The following JPH2 variants were observed in gnomAD, a reference collection of about 807,000 sequenced individuals.
JPH2 encodes the protein junctophilin-2.
A neutral mutation model predicts 55.9 loss-of-function variants in JPH2; 38 were observed. The ratio of observed to expected loss-of-function variants is 0.68; its 90% CI spans 0.52 to 0.89. JPH2 has a LOEUF of 0.89. JPH2 is among the 40% of genes least tolerant of loss of function. The pLI is 0.00. For synonymous variants in JPH2, 480 were observed against 472.4 expected (o/e 1.02, Z -0.21); for missense variants, 964 against 1,037.6 (o/e 0.93, Z 0.97).
chr20:44,160,091 G>T lies in JPH2; in HGVS notation c.696C>A (p.Arg232=), dbSNP rs1419966903. Residue 232 remains arginine (R), a synonymous_variant, in exon 2 of 6, where the codon CGC becomes CGA. Transcript: ENST00000372980. This position sits in a 1 kb window ranked among gnomAD's most constrained non-coding sequence, Gnocchi z 4.9. The part of the protein sequence containing the change: ...QRGALLGKLR[R]AESRTSVGSQ... ...TACCCACGGACGTGCGCGACTCTGCGCGCCGCAGCTTGCCCAGCAGCGCGC... is the reference window on the plus strand; with the variant it reads ...TACCCACGGACGTGCGCGACTCTGCTCGCCGCAGCTTGCCCAGCAGCGCGC... The T allele has an allele frequency of 6.5e-7, 1 of 1,531,418 alleles. No homozygotes were observed. Among genetic ancestry groups the T allele is most frequent in the Non-Finnish European group, 8.7e-7 (1 of 1,144,104 alleles). 94.9% of individuals were successfully genotyped at this position (1,531,418 alleles called of 1,614,324 possible).
At chr20:44,171,296 C>A (rs972269874) in intron 1 of JPH2, among the ~76,000 whole-genome samples, 1 of 152,302 alleles carries the variant, frequency 6.6e-6, no homozygotes, top group Non-Finnish European at 1.5e-5. Flanking sequence ...GCTGGTATAG[C>A]CCTTCAGCGT....
intron 1 of JPH2, chr20:44,177,661 T>C: frequency 3.3e-6 from 4 of 1,230,572 alleles, no homozygotes; most frequent in Non-Finnish European, 4.1e-6. Context: ...ATGCTGATTC[T>C]ACATTCGAAA....
intron 2 of JPH2, among the ~76,000 whole-genome samples, chr20:44,143,240 T>C (rs181892185): frequency 3.3e-5 from 5 of 152,230 alleles, no homozygotes; most frequent in Admixed American, 3.3e-4. Flanking sequence ...AGGAAGGGAC[T>C]TGGGGGCCAA....
Position 44,177,820 on chromosome 20 carries a change from T to G in JPH2, c.379+8507A>C, listed in dbSNP as rs192094794. On this transcript the variant is annotated intron_variant, in intron 1 of 5. Coordinates refer to ENST00000372980, the MANE Select transcript of JPH2 (RefSeq NM_020433.5). ...TCCCGAAGACAGTGACAGCTATGGTTCAGGCCATCCTGAATTAATTCACCC... is the reference window on the plus strand; with the variant it reads ...TCCCGAAGACAGTGACAGCTATGGTGCAGGCCATCCTGAATTAATTCACCC... 1,212 of 1,587,382 alleles carry G rather than the reference T, an allele frequency of 7.6e-4. 6 individuals are homozygous for G. In the African/African-American group the frequency reaches 0.015, roughly 19 times the overall value.
intron 1 of JPH2, chr20:44,177,187 G>C (rs1600476318): frequency 1.0e-6 from 1 of 985,422 alleles, no homozygotes; most frequent in Non-Finnish European, 1.2e-6. Flanking sequence ...AGCTCGGGAA[G>C]GGATAGGTGA....
intron 2 of JPH2, among the ~76,000 whole-genome samples, chr20:44,139,139 C>T (rs969363454): frequency 3.5e-4 from 54 of 152,176 alleles, no homozygotes; most frequent in African/African-American, 1.2e-3. Context: ...TGAATCTGGG[C>T]CGGCTTTTTT....
chr20:44,144,420 C>A (rs1391828553), intron 2 of JPH2, among the ~76,000 whole-genome samples: 8 of 152,146 alleles, frequency 5.3e-5, no homozygotes, highest in Admixed American at 5.2e-4. Flanking sequence ...ATTGTCCTCA[C>A]CATAACCTTG....
intron 2 of JPH2, among the ~76,000 whole-genome samples, chr20:44,151,015 G>A (rs2072526671): frequency 6.6e-6 from 1 of 152,098 alleles, no homozygotes; most frequent in Non-Finnish European, 1.5e-5. Flanking sequence ...GGGCAACAAA[G>A]CAAGACCCTA....
Position 44,114,413 on chromosome 20 carries a change from G to A in JPH2, c.*14+369C>T, listed in dbSNP as rs764515463. Reference sequence around the variant, plus strand: ...CTAAGTTCAGGGTTACTTTCATTATGTTCACCCCATTCTTGGAGCAGGAGT... The same window carrying A: ...CTAAGTTCAGGGTTACTTTCATTATATTCACCCCATTCTTGGAGCAGGAGT... On this transcript the variant is annotated intron_variant, in intron 5 of 5. Coordinates refer to ENST00000372980, the MANE Select transcript of JPH2 (RefSeq NM_020433.5). 2.0e-5 allele frequency among the ~76,000 whole-genome samples: 3 copies of A among 152,138 alleles called. 1 individual carries two copies. The highest frequency in any genetic ancestry group is 4.1e-4 in the South Asian group (2 of 4,826).
At chr20:44,161,934 C>A (rs1036668799) in intron 1 of JPH2, among the ~76,000 whole-genome samples, 1 of 152,124 alleles carries the variant, frequency 6.6e-6, no homozygotes, top group African/African-American at 2.4e-5. Context: ...TTTGTGTTCC[C>A]TCAGATGGTA....
At chr20:44,135,510 T>C (rs2072404508) in intron 2 of JPH2, among the ~76,000 whole-genome samples, 1 of 152,210 alleles carries the variant, frequency 6.6e-6, no homozygotes, top group Non-Finnish European at 1.5e-5. Flanking sequence ...CCAGGGTAGC[T>C]CACCCTGACT....
At chr20:44,186,238 CA>C in intron 1 of JPH2, 88 bp downstream of exon 1, 2 of 1,445,128 alleles carry the variant, frequency 1.4e-6, no homozygotes, top group Non-Finnish European at 1.9e-6. Context: ...GATTCTGTGC[CA>C]ATTGCCGGTC....
Position 44,187,165 on chromosome 20 carries a change from C to A in JPH2, c.-460G>T, listed in dbSNP as rs1439687423. ...CGCAGCCCGCTGGCCCCCTTCTCCA[C>A]CCCAGTGGGTGTGCGGGGCTGTCGG... On this transcript the variant is annotated 5_prime_UTR_variant, in exon 1 of 6. Transcript: ENST00000372980. 1.0e-5 allele frequency: 2 copies of A among 190,552 alleles called. No homozygotes were observed. The highest frequency in any genetic ancestry group is 5.4e-5 in the Admixed American group (1 of 18,526). 11.8% of individuals were successfully genotyped at this position (190,552 alleles called of 1,614,324 possible). A position where few individuals can be genotyped will look rare whatever the true frequency, so the allele number is the denominator to read the frequency against.
chr20:44,140,747 C>A (rs2072451031), intron 2 of JPH2, among the ~76,000 whole-genome samples: 1 of 152,128 alleles, frequency 6.6e-6, no homozygotes, highest in African/African-American at 2.4e-5. Context: ...CCTTCAATAA[C>A]ACCAAGAAGA....
intron 1 of JPH2, chr20:44,177,870 A>G (rs1245163332): frequency 6.2e-7 from 1 of 1,611,098 alleles, no homozygotes; most frequent in Non-Finnish European, 8.5e-7. Context: ...GAAATACGGG[A>G]ATATATATTT....
intron 2 of JPH2, among the ~76,000 whole-genome samples, chr20:44,144,026 C>T (rs1488095522): frequency 6.6e-6 from 1 of 152,200 alleles, no homozygotes; most frequent in African/African-American, 2.4e-5. Flanking sequence ...TCACGCCTGG[C>T]TTCGGGAACC....
At chr20:44,176,613 G>A (rs2072735311) in intron 1 of JPH2, among the ~76,000 whole-genome samples, 1 of 151,908 alleles carries the variant, frequency 6.6e-6, no homozygotes, top group African/African-American at 2.4e-5. Flanking sequence ...ACCAGCCAGG[G>A]CAACATGGAG....
chr20:44,160,473 G>A lies in JPH2; in HGVS notation c.380-66C>T, dbSNP rs1210769853. 6.5e-7 allele frequency: 1 copy of A among 1,548,374 alleles called. No individual in the cohort carries two copies. The highest frequency in any genetic ancestry group is 8.8e-7 in the Non-Finnish European group (1 of 1,140,538). ...GGTCCCCGCGTGTGCACGGTGGCCT[G>A]GGAGGGCAAGGGCGGGAGTGGGCAA... On this transcript the variant is annotated intron_variant, in intron 1 of 5. Transcript: ENST00000372980. This position sits in a 1 kb window ranked among gnomAD's most constrained non-coding sequence, Gnocchi z 4.9.
chr20:44,117,462 C>G (rs1482046105), intron 3 of JPH2, among the ~76,000 whole-genome samples: 2 of 152,240 alleles, frequency 1.3e-5, no homozygotes, highest in African/African-American at 4.8e-5. Flanking sequence ...GCTGCTCTGT[C>G]CGAGTTTCTG....
Sources: allele counts gnomAD v4.1 joint callset (sites outside exome capture counted in the v4.1 genomes callset), GRCh38; gene constraint gnomAD v4.1.1; non-coding constraint Gnocchi (gnomAD v3.1); transcripts MANE v1.5; gene names NCBI Gene and HGNC (gene_info 2026-07-23, HGNC 2026-07-21).